NEIL2: variants seen among roughly 807,000 people sequenced by gnomAD.
NEIL2 encodes the protein nei like DNA glycosylase 2.
In NEIL2, 23 loss-of-function variants were observed where a neutral mutation model predicts 22.2. That is an observed-to-expected ratio of 1.04 (90% CI 0.75 to 1.47). The LOEUF is 1.47. Among genes scored for constraint, NEIL2 ranks in the 40% most tolerant of loss-of-function variants. The probability of loss-of-function intolerance (pLI) is 0.00; values close to 1 mark genes in which losing one functional copy is unlikely to be tolerated. For synonymous variants in NEIL2, 229 were observed against 164.8 expected (o/e 1.39, Z -2.99); for missense variants, 583 against 404.7 (o/e 1.44, Z -3.78).
In NEIL2 at chr8:11,772,302, C is replaced by A. The variant is rs374062336; in HGVS notation, c.138+717C>A. Among the ~76,000 whole-genome samples the A allele has an allele frequency of 9.2e-5, 14 of 152,314 alleles. No homozygotes were observed. In the East Asian group the frequency reaches 1.4e-3, roughly 15 times the overall value. On this transcript the variant is annotated intron_variant, in intron 2 of 4. Coordinates refer to ENST00000284503, the MANE Select transcript of NEIL2 (RefSeq NM_145043.4). ...GCTCCCTGTTTTCTCACCACTGCCT[C>A]CCTCTCTAGCCTTCTTATCCTGCCC...
Position 11,783,198 on chromosome 8 carries a change from C to A in NEIL2, c.492-5C>A. 6.2e-7 allele frequency: 1 copy of A among 1,613,686 alleles called. No homozygotes were observed. The highest frequency in any genetic ancestry group is 8.5e-7 in the Non-Finnish European group (1 of 1,179,560). ...GTGTACATATGACCTGTTCTTTCTT[C>A]CCAGGTTGGTCCTGCACTTTGGTGG... On this transcript the variant is annotated splice_region_variant and splice_polypyrimidine_tract_variant and intron_variant, in intron 3 of 4. Transcript: ENST00000284503.
At chr8:11,772,207 AAAAG>A (rs939072897) in intron 2 of NEIL2, among the ~76,000 whole-genome samples, 15 of 152,002 alleles carry the variant, frequency 9.9e-5, no homozygotes, top group South Asian at 4.2e-4. Context: ...CGTCTCAAAA[AAAAG>A]AAAAGAAAAG....
At chr8:11,779,184 C>G (rs189687813) in intron 2 of NEIL2, among the ~76,000 whole-genome samples, 1 of 152,262 alleles carries the variant, frequency 6.6e-6, no homozygotes, top group African/African-American at 2.4e-5. Context: ...CCCAGTTTCA[C>G]AGGGTGTTGT....
chr8:11,772,104 G>T lies in NEIL2; in HGVS notation c.138+519G>T, dbSNP rs8191539. Among the ~76,000 whole-genome samples, 321 of 152,302 alleles carry T rather than the reference G, an allele frequency of 2.1e-3. 2 individuals are homozygous for T. The highest frequency in any genetic ancestry group is 0.015 in the Admixed American group (222 of 15,304). ...TGTAATCCCAGCTGCTCGGGAAGCT[G>T]AGGCAGGAGAATTGCTTGAACCCGG... On this transcript the variant is annotated intron_variant, in intron 2 of 4. Coordinates refer to ENST00000284503, the MANE Select transcript of NEIL2 (RefSeq NM_145043.4).
At chr8:11,771,032 G>T (rs1246250413) in intron 1 of NEIL2, among the ~76,000 whole-genome samples, 9 of 152,148 alleles carry the variant, frequency 5.9e-5, no homozygotes, top group Non-Finnish European at 1.3e-4. Context: ...GGGTCAGAAT[G>T]GCTGTTTTTT....
In NEIL2 at chr8:11,786,035, C is replaced by G. The variant is rs267601736; in HGVS notation, c.761C>G (p.Ala254Gly). The change falls in exon 5 of 5, where the codon GCC becomes GGC. Residue 254 changes from alanine to glycine, a missense_variant. Ala to Gly is a moderately conservative substitution (Grantham distance 60). Transcript: ENST00000284503. ...CTTTCTCTCGGTTCAGTCCTGAGTG[C>G]CTCGCGTCGGGAGGTCCTGGTGGAT... The part of the protein sequence containing the change: ...HPLSLGSVLS[A>G]SRREVLVDHV... The G allele has an allele frequency of 6.2e-7, 1 of 1,613,986 alleles. No homozygotes were observed. Among genetic ancestry groups the G allele is most frequent in the African/African-American group, 1.3e-5 (1 of 74,906 alleles).
chr8:11,784,725 A>G (rs1009664940), intron 4 of NEIL2, among the ~76,000 whole-genome samples: 2 of 152,250 alleles, frequency 1.3e-5, no homozygotes, highest in Non-Finnish European at 2.9e-5. Flanking sequence ...CTGAAAGAGT[A>G]TGGTTGGAAC....
chr8:11,770,670 C>T (rs1803358286), intron 1 of NEIL2, among the ~76,000 whole-genome samples: 1 of 152,110 alleles, frequency 6.6e-6, no homozygotes, highest in African/African-American at 2.4e-5. Context: ...AGGCAGCTGC[C>T]CCGGGTGAGG....
At chr8:11,782,066 A>G (rs1440367972) in intron 3 of NEIL2, among the ~76,000 whole-genome samples, 1 of 152,028 alleles carries the variant, frequency 6.6e-6, no homozygotes, top group Non-Finnish European at 1.5e-5. Flanking sequence ...CCTATTTCCA[A>G]ATAAATAAAT....
At chr8:11,774,752 C>G (rs1803761725) in intron 2 of NEIL2, among the ~76,000 whole-genome samples, 2 of 152,194 alleles carry the variant, frequency 1.3e-5, no homozygotes, top group African/African-American at 2.4e-5. Context: ...ACACCTGTTT[C>G]AAATGGGAGA....
intron 2 of NEIL2, among the ~76,000 whole-genome samples, chr8:11,775,414 G>A (rs1438436012): frequency 6.6e-6 from 1 of 152,206 alleles, no homozygotes; most frequent in Admixed American, 6.5e-5. Flanking sequence ...CAGCAGAGGG[G>A]GCCCTGGATC....
intron 1 of NEIL2, among the ~76,000 whole-genome samples, chr8:11,770,771 G>C (rs914344361): frequency 1.3e-5 from 2 of 152,066 alleles, no homozygotes; most frequent in African/African-American, 4.8e-5. Context: ...TGATTTGGGG[G>C]CAGGGAGAGT....
rs770840195 is a variant in NEIL2 at position 11,779,953 on chromosome 8, A to G, written c.491+3A>G. On this transcript the variant is annotated splice_donor_region_variant and intron_variant, in intron 3 of 4. Transcript: ENST00000284503. ...GACTGGAGGGACCCTTCCCCGAGGT[A>G]ATGGTGTGGCCATCTGATTTTCGTG... 1.9e-6 allele frequency: 3 copies of G among 1,612,208 alleles called. No individual in the cohort carries two copies. Among genetic ancestry groups the G allele is most frequent in the Non-Finnish European group, 2.5e-6 (3 of 1,178,496 alleles).
rs974222722 is a variant in NEIL2, at chr8:11,771,580, A to T, written c.133A>T (p.Thr45Ser). ...CCTGCAGTCTCTGTGGCTCCAGGAC[A>T]CCCAGGTGAGGTAATACTCCTCTGA... Reference protein sequence around the residue: ...ASLQSLWLQDTQVHGKKLFLR... With the variant: ...ASLQSLWLQDSQVHGKKLFLR... Residue 45 changes from threonine (T) to serine (S), a missense_variant, in exon 2 of 5, where the codon ACC becomes TCC. By Grantham distance (58) the Thr-to-Ser change is moderately conservative. Coordinates refer to ENST00000284503, the MANE Select transcript of NEIL2 (RefSeq NM_145043.4). The T allele has an allele frequency of 2.5e-6, 4 of 1,613,460 alleles. No homozygotes were observed. Among genetic ancestry groups the T allele is most frequent in the Non-Finnish European group, 3.4e-6 (4 of 1,179,784 alleles).
Position 11,779,960 on chromosome 8 carries a change from T to G in NEIL2, c.491+10T>G. On this transcript the variant is annotated intron_variant, in intron 3 of 4. Transcript: ENST00000284503. ...GGGACCCTTCCCCGAGGTAATGGTGTGGCCATCTGATTTTCGTGGGCTCTG... is the reference window on the plus strand; with the variant it reads ...GGGACCCTTCCCCGAGGTAATGGTGGGGCCATCTGATTTTCGTGGGCTCTG... 1 of 1,610,926 alleles carries G rather than the reference T, an allele frequency of 6.2e-7. No individual in the cohort carries two copies. Among genetic ancestry groups the G allele is most frequent in the Non-Finnish European group, 8.5e-7 (1 of 1,177,244 alleles).
At position 11,786,078 on chromosome 8, in the gene NEIL2, T is replaced by G; in HGVS notation, c.804T>G (p.Ser268Arg). The G allele has an allele frequency of 6.2e-7, 1 of 1,614,182 alleles. No homozygotes were observed. ...EVLVDHVVEFSTAWLQGKFQG... is the reference protein window; with the variant it reads ...EVLVDHVVEFRTAWLQGKFQG... ...TGGTGGATCACGTGGTGGAGTTCAG[T>G]ACAGCCTGGCTGCAGGGCAAGTTCC... Residue 268 changes from serine to arginine, a missense_variant, in exon 5 of 5, where the codon AGT (serine) becomes AGG (arginine). Physicochemically the swap from Ser to Arg is moderately radical, Grantham distance 110. Coordinates refer to ENST00000284503, the MANE Select transcript of NEIL2 (RefSeq NM_145043.4).
intron 4 of NEIL2, among the ~76,000 whole-genome samples, chr8:11,785,383 A>G (rs897432727): frequency 2.6e-5 from 4 of 151,790 alleles, no homozygotes; most frequent in African/African-American, 9.7e-5. Flanking sequence ...TTTGGTAGAG[A>G]TGGGGTTTCA....
chr8:11,779,535 T>A, intron 2 of NEIL2, 63 bp from the exon 3 acceptor site: 2 of 1,278,252 alleles, frequency 1.6e-6, no homozygotes, highest in South Asian at 2.4e-5. Context: ...AGGATAAATA[T>A]CCGCATTCCC....
intron 4 of NEIL2, among the ~76,000 whole-genome samples, chr8:11,784,155 C>T (rs979457139): frequency 6.6e-6 from 1 of 152,204 alleles, no homozygotes; most frequent in Non-Finnish European, 1.5e-5. Context: ...TGCCTGCTCA[C>T]CACCCTTCAC....
Sources: allele counts gnomAD v4.1 joint callset (sites outside exome capture counted in the v4.1 genomes callset), GRCh38; gene constraint gnomAD v4.1.1; transcripts MANE v1.5; gene names NCBI Gene and HGNC (gene_info 2026-07-23, HGNC 2026-07-21).